The following CYP1A2 variants were observed in gnomAD, a reference collection of about 807,000 sequenced individuals.
CYP1A2 encodes cytochrome P450 family 1 subfamily A member 2, also known as cytochrome P450 1A2.
A neutral mutation model predicts 34.7 loss-of-function variants in CYP1A2; 35 were observed. The observed-to-expected ratio is 1.01, with a 90% CI of 0.77 to 1.34. CYP1A2 has a LOEUF of 1.34. Ranked by LOEUF, CYP1A2 falls within the 40% of genes most tolerant of loss-of-function variation. The probability of loss-of-function intolerance (pLI) is 0.00; values close to 1 mark genes in which losing one functional copy is unlikely to be tolerated. For missense variants in CYP1A2, 675 were observed against 675.8 expected (o/e 1.00, Z 0.01); for synonymous variants, 288 against 281.9 (o/e 1.02, Z -0.22).
At chr15:74,752,006 G>A (rs1393718520) in intron 4 of CYP1A2, 118 bp from the exon 5 acceptor site, 2 of 1,545,698 alleles carry the variant, frequency 1.3e-6, no homozygotes, top group Non-Finnish European at 1.8e-6. Context: ...GAGGTTAGTG[G>A]GGTCGCAGAC....
chr15:74,749,972 C>A lies in CYP1A2; in HGVS notation c.234C>A (p.Ile78=), dbSNP rs768580870. Residue 78 remains isoleucine (I), a synonymous_variant, in exon 2 of 7, where the codon ATC becomes ATA. Coordinates refer to ENST00000343932, the MANE Select transcript of CYP1A2 (RefSeq NM_000761.5). The part of the protein sequence containing the change: ...MSQRYGDVLQ[I]RIGSTPVLVL... The stretch of plus-strand genomic sequence containing the variant: ...AGCGCTACGGGGACGTCCTGCAGAT[C>A]CGCATTGGCTCCACGCCCGTGCTGG... 13 of 1,613,966 alleles carry A rather than the reference C, an allele frequency of 8.1e-6. No individual in the cohort carries two copies. Among genetic ancestry groups the A allele is most frequent in the Non-Finnish European group, 5.9e-6 (7 of 1,179,988 alleles).
intron 2 of CYP1A2, 65 bp from the exon 3 acceptor site, chr15:74,751,124 T>A: frequency 6.3e-7 from 1 of 1,594,994 alleles, no homozygotes; most frequent in African/African-American, 1.3e-5. Context: ...GCCAGGGGAG[T>A]GGAGCAACGT....
Position 74,750,310 on chromosome 15 carries a change from A to C in CYP1A2, c.572A>C (p.Gln191Pro), listed in dbSNP as rs140747247. Reference sequence around the variant, plus strand: ...CCTGGGCACTTCGACCCTTACAATCAGGTGGTGGTGTCAGTGGCCAACGTC... The same window carrying C: ...CCTGGGCACTTCGACCCTTACAATCCGGTGGTGGTGTCAGTGGCCAACGTC... ...AGPGHFDPYN[Q>P]VVVSVANVIG... The change falls in exon 2 of 7, where the codon CAG becomes CCG. Residue 191 changes from glutamine to proline, a missense_variant. Transcript: ENST00000343932. 3.0e-5 allele frequency: 48 copies of C among 1,613,808 alleles called. No homozygotes were observed. The African/African-American group carries it at 5.3e-4, about 18-fold the overall frequency.
In CYP1A2 at chr15:74,754,995, C is replaced by T. The variant is rs776984814; in HGVS notation, c.1458C>T (p.Gly486=). 3.1e-6 allele frequency: 5 copies of T among 1,614,238 alleles called. No individual in the cohort carries two copies. Among genetic ancestry groups the T allele is most frequent in the East Asian group, 2.2e-5 (1 of 44,890 alleles). ...LQQLEFSVPP[G]VKVDLTPIYG... ...AACTGGAGTTCAGCGTGCCGCCGGG[C>T]GTGAAAGTCGACCTGACCCCCATCT... Residue 486 remains glycine, a synonymous_variant, in exon 7 of 7, where the codon GGC becomes GGT. Transcript: ENST00000343932.
intron 6 of CYP1A2, among the ~76,000 whole-genome samples, chr15:74,753,952 T>C (rs910681458): frequency 3.3e-5 from 5 of 152,172 alleles, no homozygotes; most frequent in Non-Finnish European, 7.3e-5. Context: ...GCTATCAATG[T>C]TTATGCTAGT....
chr15:74,749,839 G>A lies in CYP1A2; in HGVS notation c.101G>A (p.Arg34Gln), dbSNP rs941101723. 1.7e-5 allele frequency: 27 copies of A among 1,605,324 alleles called. No homozygotes were observed. Among genetic ancestry groups the A allele is most frequent in the South Asian group, 5.5e-5 (5 of 90,446 alleles). Residue 34 changes from arginine to glutamine, a missense_variant, in exon 2 of 7, where the codon CGG becomes CAG. Transcript: ENST00000343932. Reference sequence around the variant, plus strand: ...TGGGTGCTCAAGGGTTTGAGGCCTCGGGTCCCCAAAGGCCTGAAAAGTCCA... The same window carrying A: ...TGGGTGCTCAAGGGTTTGAGGCCTCAGGTCCCCAAAGGCCTGAAAAGTCCA... ...VFWVLKGLRP[R>Q]VPKGLKSPPE...
intron 3 of CYP1A2, 144 bp downstream of exon 3, chr15:74,751,453 G>A: frequency 7.7e-7 from 1 of 1,301,832 alleles, no homozygotes; most frequent in Non-Finnish European, 1.1e-6. Flanking sequence ...ATCAGGGTTT[G>A]AGCCTGGGCT....
chr15:74,750,381 G>A lies in CYP1A2; in HGVS notation c.643G>A (p.Glu215Lys), dbSNP rs1271532274. ...ACAGCACTTCCCTGAGAGTAGCGAT[G>A]AGATGCTCAGCCTCGTGAAGAACAC... Reference protein sequence around the residue: ...FGQHFPESSDEMLSLVKNTHE... With the variant: ...FGQHFPESSDKMLSLVKNTHE... Residue 215 changes from glutamate (E) to lysine (K), a missense_variant, in exon 2 of 7, where the codon GAG becomes AAG. Transcript: ENST00000343932. The A allele has an allele frequency of 1.2e-6, 2 of 1,614,078 alleles. No homozygotes were observed. Among genetic ancestry groups the A allele is most frequent in the Admixed American group, 1.7e-5 (1 of 60,008 alleles).
chr15:74,750,784 G>GC (rs1199986613), intron 2 of CYP1A2, among the ~76,000 whole-genome samples: 1 of 152,114 alleles, frequency 6.6e-6, no homozygotes, highest in Non-Finnish European at 1.5e-5. Context: ...GCTCCTCAAA[G>GC]CCCCCAAGAA....
chr15:74,752,609 C>T (rs2063321288), intron 5 of CYP1A2, among the ~76,000 whole-genome samples: 1 of 152,194 alleles, frequency 6.6e-6, no homozygotes, highest in South Asian at 2.1e-4. Context: ...CAGAATCCTA[C>T]CCTTGCTCAA....
chr15:74,750,042 G>A lies in CYP1A2; in HGVS notation c.304G>A (p.Gly102Ser). ...DTIRQALVRQ[G>S]DDFKGRPDLY... is the part of the protein sequence containing the mutation. ...CATCCGGCAGGCCCTGGTGCGGCAG[G>A]GCGACGATTTCAAGGGCCGGCCTGA... Residue 102 changes from glycine (G) to serine (S), a missense_variant, in exon 2 of 7, where the codon GGC becomes AGC. Coordinates refer to ENST00000343932, the MANE Select transcript of CYP1A2 (RefSeq NM_000761.5). The A allele has an allele frequency of 6.2e-7, 1 of 1,613,990 alleles. No individual in the cohort carries two copies. Among genetic ancestry groups the A allele is most frequent in the Non-Finnish European group, 8.5e-7 (1 of 1,180,014 alleles).
chr15:74,752,367 C>T (rs1272085760), intron 5 of CYP1A2, 120 bp downstream of exon 5: 12 of 1,395,246 alleles, frequency 8.6e-6, no homozygotes, highest in East Asian at 4.6e-5. Context: ...CCACAGATCC[C>T]GGCCTCAGTC....
At chr15:74,754,637 G>A (rs918832850) in intron 6 of CYP1A2, among the ~76,000 whole-genome samples, 154 bp from the exon 7 acceptor site, 2 of 151,558 alleles carry the variant, frequency 1.3e-5, no homozygotes, top group African/African-American at 2.4e-5. Context: ...AAAGAAATAA[G>A]CATCAAAGTT....
Position 74,751,175 on chromosome 15 carries a change from T to A in CYP1A2, c.832-14T>A. On this transcript the variant is annotated splice_polypyrimidine_tract_variant and intron_variant, in intron 2 of 6. Coordinates refer to ENST00000343932, the MANE Select transcript of CYP1A2 (RefSeq NM_000761.5). ...GGAAGTGCCAGAGGTGCCCCTAAGC[T>A]TGTGCCCCCTCAGAACAGTGTCCGG... 6.2e-7 allele frequency: 1 copy of A among 1,613,776 alleles called. No individual in the cohort carries two copies. Among genetic ancestry groups the A allele is most frequent in the Non-Finnish European group, 8.5e-7 (1 of 1,179,832 alleles).
intron 6 of CYP1A2, among the ~76,000 whole-genome samples, chr15:74,753,762 C>T (rs1287220125): frequency 2.0e-5 from 3 of 150,618 alleles, no homozygotes; most frequent in East Asian, 1.9e-4. Context: ...TCAACCAAGA[C>T]GTTTGTTACA....
At chr15:74,753,597 A>G (rs910638240) in intron 6 of CYP1A2, among the ~76,000 whole-genome samples, 8 of 152,018 alleles carry the variant, frequency 5.3e-5, no homozygotes, top group African/African-American at 1.9e-4. Context: ...TTAGCCGGAC[A>G]TGGTGGTGCG....
In CYP1A2 at chr15:74,750,110, C is replaced by T. The variant is rs2141736702; in HGVS notation, c.372C>T (p.Thr124=). 6.2e-7 allele frequency: 1 copy of T among 1,614,076 alleles called. No individual in the cohort carries two copies. Among genetic ancestry groups the T allele is most frequent in the Non-Finnish European group, 8.5e-7 (1 of 1,180,050 alleles). The change falls in exon 2 of 7, where the codon ACC becomes ACT. Residue 124 remains threonine (T), a synonymous_variant. Coordinates refer to ENST00000343932, the MANE Select transcript of CYP1A2 (RefSeq NM_000761.5). ...TCATCACTGATGGCCAGAGCTTGAC[C>T]TTCAGCACAGACTCTGGACCGGTGT... The part of the protein sequence containing the change: ...STLITDGQSL[T]FSTDSGPVWA...
intron 6 of CYP1A2, among the ~76,000 whole-genome samples, chr15:74,754,205 G>A (rs1489737064): frequency 2.0e-5 from 3 of 151,956 alleles, no homozygotes; most frequent in East Asian, 3.8e-4. Flanking sequence ...AACCCAGCCT[G>A]TTTTTCTTCT....
rs200550773 is a variant in CYP1A2 at position 74,750,105 on chromosome 15, T to C, written c.367T>C (p.Leu123=). ...CACCCTCATCACTGATGGCCAGAGC[T>C]TGACCTTCAGCACAGACTCTGGACC... ...TSTLITDGQS[L]TFSTDSGPVW... The change falls in exon 2 of 7, where the codon TTG becomes CTG. Residue 123 remains leucine (L), a synonymous_variant. Transcript: ENST00000343932. 65 of 1,614,034 alleles carry C rather than the reference T, an allele frequency of 4.0e-5. No homozygotes were observed. Among genetic ancestry groups the C allele is most frequent in the Non-Finnish European group, 5.3e-5 (62 of 1,180,032 alleles).
Sources: allele counts gnomAD v4.1 joint callset (sites outside exome capture counted in the v4.1 genomes callset), GRCh38; gene constraint gnomAD v4.1.1; transcripts MANE v1.5; gene names NCBI Gene and HGNC (gene_info 2026-07-23, HGNC 2026-07-21).